SPRED1: variants seen among roughly 807,000 people sequenced by gnomAD.
SPRED1 encodes sprouty related EVH1 domain containing 1.
In SPRED1, 18 loss-of-function variants were observed where a neutral mutation model predicts 52.3. The observed-to-expected ratio is 0.34, with a 90% CI of 0.24 to 0.51. The LOEUF is 0.51. SPRED1 is among the 20% of genes least tolerant of loss of function. The pLI, the probability that SPRED1 is intolerant of heterozygous loss-of-function variation, is 0.97. For synonymous variants in SPRED1, 155 were observed against 179.7 expected (o/e 0.86, Z 1.10); for missense variants, 485 against 551.0 (o/e 0.88, Z 1.20).
At chr15:38,296,104 A>G (rs1346468140) in intron 1 of SPRED1, among the ~76,000 whole-genome samples, 1 of 152,152 alleles carries the variant, frequency 6.6e-6, no homozygotes, top group Admixed American at 6.6e-5. Flanking sequence ...CACGTAAAAC[A>G]AGGAGAAAAC....
At chr15:38,299,734 T>G (rs916111954) in intron 2 of SPRED1, among the ~76,000 whole-genome samples, 187 bp downstream of exon 2, 1 of 151,978 alleles carries the variant, frequency 6.6e-6, no homozygotes, top group Admixed American at 6.6e-5. Flanking sequence ...TTGATACACA[T>G]TTGTTGGGGG....
intron 1 of SPRED1, among the ~76,000 whole-genome samples, chr15:38,280,177 T>C (rs1432214757): frequency 2.0e-5 from 3 of 152,200 alleles, no homozygotes; most frequent in Non-Finnish European, 4.4e-5. Context: ...TTAGGGATCA[T>C]TGATATCAGT....
chr15:38,344,938 A>ATGG, intron 5 of SPRED1, among the ~76,000 whole-genome samples: 1 of 152,342 alleles, frequency 6.6e-6, no homozygotes, highest in South Asian at 2.1e-4. Flanking sequence ...AGGAATTAGA[A>ATGG]TGGAATGGTT....
At chr15:38,337,211 A>T (rs998096707) in intron 4 of SPRED1, among the ~76,000 whole-genome samples, 3 of 152,208 alleles carry the variant, frequency 2.0e-5, no homozygotes, top group Non-Finnish European at 4.4e-5. Flanking sequence ...ACCACTTTTT[A>T]AAAAACCTGT....
At chr15:38,349,676 T>C (rs1352271504) in intron 6 of SPRED1, among the ~76,000 whole-genome samples, 153 bp downstream of exon 6, 1 of 152,224 alleles carries the variant, frequency 6.6e-6, no homozygotes, top group Non-Finnish European at 1.5e-5. Context: ...ACGCTGTTAG[T>C]TAAAAACTCT....
At chr15:38,254,076 G>A (rs1254296900) in intron 1 of SPRED1, among the ~76,000 whole-genome samples, 2 of 152,052 alleles carry the variant, frequency 1.3e-5, no homozygotes, top group African/African-American at 4.8e-5. Flanking sequence ...TGACAGCTGC[G>A]TGGAGAAATA....
At chr15:38,259,167 A>G (rs1017042288) in intron 1 of SPRED1, among the ~76,000 whole-genome samples, 4 of 152,254 alleles carry the variant, frequency 2.6e-5, no homozygotes, top group Non-Finnish European at 5.9e-5. Flanking sequence ...TGGTATATTA[A>G]TAGTCTTTTA....
chr15:38,333,134 G>A (rs1252720322), intron 4 of SPRED1, among the ~76,000 whole-genome samples: 1 of 152,074 alleles, frequency 6.6e-6, no homozygotes, highest in Non-Finnish European at 1.5e-5. Flanking sequence ...CTGGTTCACA[G>A]GAAAAACGTA....
intron 4 of SPRED1, among the ~76,000 whole-genome samples, chr15:38,338,625 T>A (rs913686070): frequency 2.0e-5 from 3 of 152,150 alleles, no homozygotes; most frequent in Non-Finnish European, 4.4e-5. Context: ...GCCTACTCCT[T>A]GATACAATAA....
At chr15:38,263,935 T>C (rs1230619507) in intron 1 of SPRED1, among the ~76,000 whole-genome samples, 1 of 152,202 alleles carries the variant, frequency 6.6e-6, no homozygotes, top group Non-Finnish European at 1.5e-5. Flanking sequence ...ATGAGCTTGC[T>C]GTAGATTAAA....
intron 1 of SPRED1, among the ~76,000 whole-genome samples, chr15:38,253,852 T>C (rs1052772962): frequency 6.6e-6 from 1 of 152,224 alleles, no homozygotes; most frequent in Admixed American, 6.5e-5. Flanking sequence ...ATTGGACGTG[T>C]CTTCAGGAAC....
chr15:38,262,640 A>G (rs1430472727), intron 1 of SPRED1, among the ~76,000 whole-genome samples: 1 of 151,528 alleles, frequency 6.6e-6, no homozygotes, highest in Non-Finnish European at 1.5e-5. Flanking sequence ...GCTTACCTGT[A>G]TATCACCAAC....
chr15:38,355,846 G>A lies in SPRED1; in HGVS notation c.*4182G>A, dbSNP rs1888606966. 6.6e-6 allele frequency: 1 copy of A among 152,104 alleles called. No individual in the cohort carries two copies. The highest frequency in any genetic ancestry group is 6.6e-5 in the Admixed American group (1 of 15,264). 9.4% of individuals were successfully genotyped at this position (152,104 alleles called of 1,614,324 possible). On this transcript the variant is annotated 3_prime_UTR_variant, in exon 7 of 7. Transcript: ENST00000299084. ...TCTATAAATCATAATAGCACCATGAGGTGTTTTGCAATGAGACAAACATGA... is the reference window on the plus strand; with the variant it reads ...TCTATAAATCATAATAGCACCATGAAGTGTTTTGCAATGAGACAAACATGA...
At chr15:38,290,944 A>G (rs1894912456) in intron 1 of SPRED1, among the ~76,000 whole-genome samples, 1 of 152,138 alleles carries the variant, frequency 6.6e-6, no homozygotes, top group African/African-American at 2.4e-5. Context: ...TGCCTTCCCA[A>G]CAGTCCCCCA....
Sources: allele counts gnomAD v4.1 joint callset (sites outside exome capture counted in the v4.1 genomes callset), GRCh38; gene constraint gnomAD v4.1.1; transcripts MANE v1.5; gene names NCBI Gene and HGNC (gene_info 2026-07-23, HGNC 2026-07-21).